Variants in CPE observed in about 807,000 individuals in gnomAD.
CPE encodes the protein carbocypeptidase E.
CPE carries 17 observed loss-of-function variants against 53.5 expected under a neutral mutation model. The ratio of observed to expected loss-of-function variants is 0.32; its 90% CI spans 0.22 to 0.48. The LOEUF is 0.48. CPE is among the 20% of genes least tolerant of loss of function. CPE has a pLI of 0.99. For synonymous variants in CPE, 226 were observed against 228.8 expected (o/e 0.99, Z 0.11); for missense variants, 524 against 614.7 (o/e 0.85, Z 1.56).
At chr4:165,383,215 A>G (rs1256497613) in intron 1 of CPE, among the ~76,000 whole-genome samples, 7 of 152,142 alleles carry the variant, frequency 4.6e-5, no homozygotes, top group Admixed American at 3.9e-4. Context: ...GTGCTCAAAT[A>G]TGTCCCCATT....
At chr4:165,457,522 T>C (rs189716732) in intron 1 of CPE, among the ~76,000 whole-genome samples, 1 of 152,338 alleles carries the variant, frequency 6.6e-6, no homozygotes, top group Non-Finnish European at 1.5e-5. Flanking sequence ...AATTAGAATC[T>C]TAGTAGAGAT....
intron 1 of CPE, among the ~76,000 whole-genome samples, chr4:165,437,613 T>G (rs1241735914): frequency 3.9e-5 from 6 of 152,192 alleles, no homozygotes; most frequent in Non-Finnish European, 7.4e-5. Context: ...CTCAATTAGA[T>G]ATAATGAAAT....
intron 1 of CPE, among the ~76,000 whole-genome samples, chr4:165,429,885 C>A (rs1159938374): frequency 6.6e-6 from 1 of 152,032 alleles, no homozygotes; most frequent in Non-Finnish European, 1.5e-5. Flanking sequence ...GTATAGATGA[C>A]TAACAGGTAA....
At chr4:165,429,371 C>A (rs67474738) in intron 1 of CPE, among the ~76,000 whole-genome samples, 1 of 151,904 alleles carries the variant, frequency 6.6e-6, no homozygotes, top group Non-Finnish European at 1.5e-5. Context: ...AAAAACATTC[C>A]CACTTATTGG....
intron 1 of CPE, among the ~76,000 whole-genome samples, chr4:165,460,261 A>G (rs1731977576): frequency 6.6e-6 from 1 of 152,168 alleles, no homozygotes; most frequent in African/African-American, 2.4e-5. Flanking sequence ...ATTGACTCAG[A>G]GAGGGCCATT....
rs369347165 is a variant in CPE, at chr4:165,429,578, T to C, written c.308-34812T>C. On this transcript the variant is annotated intron_variant, in intron 1 of 8. Coordinates refer to ENST00000402744, the MANE Select transcript of CPE (RefSeq NM_001873.4). ...TTGGGCAGGCATGGTGGTGGGCACC[T>C]GTAGTCCCAGCGACTCCAGAGGCTG... Among the ~76,000 whole-genome samples the C allele has an allele frequency of 2.4e-4, 36 of 152,090 alleles. No individual in the cohort carries two copies. The East Asian group carries it at 6.8e-3, about 29-fold the overall frequency.
chr4:165,458,594 C>T (rs1731943124), intron 1 of CPE, among the ~76,000 whole-genome samples: 2 of 151,854 alleles, frequency 1.3e-5, no homozygotes, highest in South Asian at 4.1e-4. Context: ...TACTTTTTTT[C>T]CCTCTAAATA....
intron 1 of CPE, 101 bp from the exon 2 acceptor site, chr4:165,464,289 G>GA (rs1267716972): frequency 1.8e-5 from 17 of 968,254 alleles, no homozygotes; most frequent in African/African-American, 3.4e-5. Flanking sequence ...GCTGCTGGAG[G>GA]AAAAAACCCA....
intron 2 of CPE, 27 bp downstream of exon 2, chr4:165,464,613 C>T (rs755441583): frequency 1.9e-6 from 3 of 1,549,264 alleles, no homozygotes; most frequent in East Asian, 2.3e-5. Flanking sequence ...TCAGATCAGG[C>T]GTGCTTTCTT....
chr4:165,415,564 T>C (rs67650739), intron 1 of CPE, among the ~76,000 whole-genome samples: 45,139 of 151,972 alleles, frequency 0.3, 6,889 homozygotes, highest in Middle Eastern at 0.39. Context: ...TTCCATGTCT[T>C]CCTTTTATTC....
chr4:165,435,134 T>C (rs1731476136), intron 1 of CPE, among the ~76,000 whole-genome samples: 1 of 152,184 alleles, frequency 6.6e-6, no homozygotes, highest in South Asian at 2.1e-4. Context: ...CCTCTTGTCT[T>C]TATGAATTAC....
chr4:165,465,602 C>T (rs1732082717), intron 2 of CPE, among the ~76,000 whole-genome samples: 1 of 151,820 alleles, frequency 6.6e-6, no homozygotes, highest in Non-Finnish European at 1.5e-5. Context: ...AACAGTAAAA[C>T]AAGAAAATTC....
intron 1 of CPE, among the ~76,000 whole-genome samples, chr4:165,384,890 T>A (rs1730564637): frequency 6.6e-6 from 1 of 152,178 alleles, no homozygotes; most frequent in South Asian, 2.1e-4. Flanking sequence ...GGCTTTTAAG[T>A]TTTGCTTAGA....
chr4:165,490,584 G>T (rs1005338467), intron 6 of CPE, among the ~76,000 whole-genome samples: 4 of 118,542 alleles, frequency 3.4e-5, no homozygotes, highest in African/African-American at 1.3e-4. Context: ...AGTGAGCCGA[G>T]ATCACACTAC....
At chr4:165,420,027 A>G (rs1731182278) in intron 1 of CPE, among the ~76,000 whole-genome samples, 1 of 152,138 alleles carries the variant, frequency 6.6e-6, no homozygotes, top group Non-Finnish European at 1.5e-5. Flanking sequence ...TGCATACATA[A>G]TTGCTTCCCA....
chr4:165,393,625 T>C (rs1730718473), intron 1 of CPE, among the ~76,000 whole-genome samples: 1 of 152,198 alleles, frequency 6.6e-6, no homozygotes, highest in South Asian at 2.1e-4. Context: ...TCTTAAAGTA[T>C]TTCCCATAAC....
intron 1 of CPE, among the ~76,000 whole-genome samples, chr4:165,442,817 C>T (rs73860756): frequency 6.6e-5 from 10 of 152,114 alleles, no homozygotes; most frequent in Non-Finnish European, 1.2e-4. Flanking sequence ...ACCTTTCATG[C>T]GTTCCTAGTT....
intron 1 of CPE, among the ~76,000 whole-genome samples, chr4:165,440,746 T>C (rs187970004): frequency 1.2e-4 from 19 of 152,088 alleles, no homozygotes; most frequent in African/African-American, 4.3e-4. Flanking sequence ...TTTGGAAATA[T>C]TTGCCTTGAG....
At chr4:165,417,982 T>G (rs1222260331) in intron 1 of CPE, among the ~76,000 whole-genome samples, 1 of 152,208 alleles carries the variant, frequency 6.6e-6, no homozygotes, top group Non-Finnish European at 1.5e-5. Flanking sequence ...GACCTCAAGA[T>G]CAAATTCATG....
Sources: gnomAD v4.1 joint callset for allele counts (sites outside exome capture counted in the v4.1 genomes callset) on GRCh38, gnomAD v4.1.1 for gene constraint, MANE v1.5 for transcripts, NCBI Gene and HGNC (gene_info 2026-07-23, HGNC 2026-07-21) for gene names.